The following TBC1D32 variants were observed in gnomAD, a reference collection of about 807,000 sequenced individuals.
TBC1D32 encodes the protein TBC1 domain family member 32, also known as protein broad-minded.
TBC1D32 carries 151 observed loss-of-function variants against 170.3 expected under a neutral mutation model. The observed-to-expected ratio is 0.89, with a 90% CI of 0.78 to 1.01. The LOEUF (loss-of-function observed/expected upper bound fraction) is 1.01, where lower values mean the gene tolerates loss of function less well. TBC1D32 is among the 50% of genes least tolerant of loss of function. The pLI is 0.00. For missense variants in TBC1D32, 1,464 were observed against 1,457.1 expected, an observed-to-expected ratio of 1.00 and a Z score of -0.08; for synonymous variants, 498 against 488.0, an observed-to-expected ratio of 1.02 and a Z score of -0.27.
At chr6:121,188,545 T>C (rs1295155419) in intron 22 of TBC1D32, among the ~76,000 whole-genome samples, 2 of 152,024 alleles carry the variant, frequency 1.3e-5, no homozygotes, top group Non-Finnish European at 2.9e-5. Flanking sequence ...TCCCTAAAGA[T>C]AAGAGATGAA....
Position 121,304,521 on chromosome 6 carries a change from C to A in TBC1D32, c.873+1G>T, listed in dbSNP as rs780321835. ...GAAAGCATATTGTAGTAAATGGATA[C>A]CTTTTTAAGTAAGCGAGTCATATTA... is the stretch of plus-strand genomic sequence containing the variant. On this transcript the variant is annotated splice_donor_variant, in intron 7 of 31. Coordinates refer to ENST00000398212, the MANE Select transcript of TBC1D32 (RefSeq NM_152730.6). LOFTEE classifies it high-confidence loss of function. 1.9e-6 allele frequency: 3 copies of A among 1,606,148 alleles called. No homozygotes were observed. The highest frequency in any genetic ancestry group is 2.6e-6 in the Non-Finnish European group (3 of 1,175,326).
intron 10 of TBC1D32, among the ~76,000 whole-genome samples, chr6:121,295,751 A>G (rs1805534636): frequency 6.6e-6 from 1 of 152,220 alleles, no homozygotes; most frequent in Admixed American, 6.5e-5. Flanking sequence ...AAGCAAGTTC[A>G]TAATTGTAGC....
intron 2 of TBC1D32, among the ~76,000 whole-genome samples, chr6:121,320,976 C>T (rs1809627062): frequency 6.6e-6 from 1 of 152,148 alleles, no homozygotes; most frequent in Admixed American, 6.5e-5. Context: ...TGGTTCCCAC[C>T]TTGTACCCTG....
chr6:121,104,541 T>G (rs1328013443), intron 30 of TBC1D32, among the ~76,000 whole-genome samples: 1 of 151,314 alleles, frequency 6.6e-6, no homozygotes, highest in Non-Finnish European at 1.5e-5. Flanking sequence ...AAAAATAAAA[T>G]GAAACAAAGT....
Position 121,112,535 on chromosome 6 carries a change from A to C in TBC1D32, c.3294T>G (p.Ala1098=). The C allele has an allele frequency of 6.2e-7, 1 of 1,609,192 alleles. No individual in the cohort carries two copies. ...TATGTAGCCTTGGCAACCAAAGAAAAGCAGAAGTCAGAAGCCTGGAGAATT... is the reference window on the plus strand; with the variant it reads ...TATGTAGCCTTGGCAACCAAAGAAACGCAGAAGTCAGAAGCCTGGAGAATT... ...LHQFSRLLTS[A]FLWLPRLHIS... The change falls in exon 29 of 32, where the codon GCT becomes GCG. Residue 1098 remains alanine, a synonymous_variant. Coordinates refer to ENST00000398212, the MANE Select transcript of TBC1D32 (RefSeq NM_152730.6).
intron 22 of TBC1D32, chr6:121,170,548 A>C: frequency 6.7e-7 from 1 of 1,483,398 alleles, no homozygotes; most frequent in East Asian, 2.4e-5. Context: ...AAGAAAAATA[A>C]ACGTAGATTG....
chr6:121,282,772 T>A (rs1048606341), intron 13 of TBC1D32, among the ~76,000 whole-genome samples: 1 of 151,778 alleles, frequency 6.6e-6, no homozygotes, highest in Non-Finnish European at 1.5e-5. Context: ...TAAACCAATA[T>A]ATAAACAAGT....
chr6:121,333,638 A>G (rs879927073), intron 1 of TBC1D32, among the ~76,000 whole-genome samples: 1 of 152,232 alleles, frequency 6.6e-6, no homozygotes, highest in Non-Finnish European at 1.5e-5. Context: ...AGTACTGTAT[A>G]CTGACAGGAA....
At chr6:121,230,967 G>A (rs1164162156) in intron 20 of TBC1D32, among the ~76,000 whole-genome samples, 2 of 152,044 alleles carry the variant, frequency 1.3e-5, no homozygotes, top group Non-Finnish European at 2.9e-5. Flanking sequence ...AGTCCCCAAA[G>A]ACTGATGTAT....
chr6:121,159,962 T>G, intron 24 of TBC1D32, 48 bp downstream of exon 24: 1 of 1,334,818 alleles, frequency 7.5e-7, no homozygotes. Context: ...TTTCAAATTA[T>G]AACAAAAGCT....
intron 22 of TBC1D32, among the ~76,000 whole-genome samples, chr6:121,194,125 G>A (rs1444499014): frequency 6.6e-6 from 1 of 152,166 alleles, no homozygotes; most frequent in East Asian, 1.9e-4. Flanking sequence ...TCCAGTTGAA[G>A]TAGTGGCTTA....
chr6:121,265,531 G>A (rs1017067844), intron 15 of TBC1D32, among the ~76,000 whole-genome samples: 10 of 150,742 alleles, frequency 6.6e-5, no homozygotes, highest in Non-Finnish European at 1.5e-5. Flanking sequence ...AACTACCATT[G>A]ACATTCTTCA....
intron 21 of TBC1D32, among the ~76,000 whole-genome samples, chr6:121,212,088 T>A (rs1345885045): frequency 6.6e-6 from 1 of 151,926 alleles, no homozygotes; most frequent in Non-Finnish European, 1.5e-5. Context: ...AAGACTACTA[T>A]GAACATCTCT....
intron 22 of TBC1D32, among the ~76,000 whole-genome samples, chr6:121,170,957 G>T (rs1324042648): frequency 6.6e-6 from 1 of 151,910 alleles, no homozygotes; most frequent in East Asian, 1.9e-4. Context: ...AATGTCAGTG[G>T]CTAATTTTAT....
chr6:121,171,138 C>T (rs1786923214), intron 22 of TBC1D32, among the ~76,000 whole-genome samples: 1 of 151,918 alleles, frequency 6.6e-6, no homozygotes, highest in Non-Finnish European at 1.5e-5. Context: ...CAATCCTATA[C>T]ATCTCATTAT....
chr6:121,314,919 T>G (rs1462709528), intron 3 of TBC1D32, among the ~76,000 whole-genome samples: 1 of 152,216 alleles, frequency 6.6e-6, no homozygotes, highest in African/African-American at 2.4e-5. Flanking sequence ...AGTGTCTGTG[T>G]GCCAGGCACT....
At chr6:121,265,279 G>C (rs1485816546) in intron 15 of TBC1D32, among the ~76,000 whole-genome samples, 1 of 151,916 alleles carries the variant, frequency 6.6e-6, no homozygotes, top group Non-Finnish European at 1.5e-5. Flanking sequence ...AACAGACAGA[G>C]AGCCAAATCA....
chr6:121,103,088 G>A (rs1778304036), intron 30 of TBC1D32, among the ~76,000 whole-genome samples: 1 of 152,026 alleles, frequency 6.6e-6, no homozygotes, highest in Admixed American at 6.6e-5. Flanking sequence ...GAAACAACAG[G>A]TGCTGGAGAG....
At chr6:121,205,001 A>T in intron 22 of TBC1D32, 74 bp downstream of exon 22, 2 of 809,040 alleles carry the variant, frequency 2.5e-6, no homozygotes, top group Non-Finnish European at 3.8e-6. Context: ...ATACTTTTTT[A>T]AAGTATACAG....
Sources: gnomAD v4.1 joint callset for allele counts (sites outside exome capture counted in the v4.1 genomes callset) on GRCh38, gnomAD v4.1.1 for gene constraint, MANE v1.5 for transcripts, NCBI Gene and HGNC (gene_info 2026-07-23, HGNC 2026-07-21) for gene names.